IQSEC1: variants seen among roughly 807,000 people sequenced by gnomAD.
IQSEC1 encodes IQ motif and SEC7 domain-containing protein 1.
IQSEC1 carries 31 observed loss-of-function variants against 91.0 expected under a neutral mutation model. The observed-to-expected ratio is 0.34, with a 90% CI of 0.26 to 0.46. The LOEUF is 0.46. Ranked by LOEUF, IQSEC1 falls within the 20% of genes least tolerant of loss-of-function variation. The pLI, the probability that IQSEC1 is intolerant of heterozygous loss-of-function variation, is 1.00. For synonymous variants in IQSEC1, 699 were observed against 662.6 expected (o/e 1.05, Z -0.84); for missense variants, 1,388 against 1,575.6 (o/e 0.88, Z 2.02).
Position 12,909,201 on chromosome 3 carries a change from G to A in IQSEC1, c.2578+72C>T. 1.3e-6 allele frequency: 2 copies of A among 1,510,894 alleles called. No individual in the cohort carries two copies. Among genetic ancestry groups the A allele is most frequent in the Non-Finnish European group, 1.8e-6 (2 of 1,097,366 alleles). 93.6% of individuals were successfully genotyped at this position (1,510,894 alleles called of 1,614,324 possible). A position where few individuals can be genotyped will look rare whatever the true frequency, so the allele number is the denominator to read the frequency against. On this transcript the variant is annotated intron_variant, in intron 11 of 13. Transcript: ENST00000613206. The surrounding 1 kb of genome is among the most constrained non-coding windows in gnomAD (Gnocchi z 4.9). The stretch of plus-strand genomic sequence containing the variant: ...TGTCTCTGTGAGCTCAGAAGTCACT[G>A]CCCTGACATGGGGAGGCAAGTGCCA...
chr3:13,276,827 T>C (rs537780073), intron 1 of IQSEC1, among the ~76,000 whole-genome samples: 9 of 152,306 alleles, frequency 5.9e-5, no homozygotes, highest in Admixed American at 3.9e-4. Flanking sequence ...AAGGCCTTGC[T>C]ACCTCAGAGC....
At chr3:13,132,873 T>C (rs1706643561) in intron 2 of IQSEC1, among the ~76,000 whole-genome samples, 1 of 152,196 alleles carries the variant, frequency 6.6e-6, no homozygotes, top group African/African-American at 2.4e-5. Flanking sequence ...GGAGACTTCC[T>C]TTGCACTTGT....
Position 12,900,354 on chromosome 3 carries a change from A to ACTGT in IQSEC1, c.*625_*628dup. 1 of 984,942 alleles carries ACTGT rather than the reference A, an allele frequency of 1.0e-6. No individual in the cohort carries two copies. Among genetic ancestry groups the ACTGT allele is most frequent in the Non-Finnish European group, 1.2e-6 (1 of 829,744 alleles). The allele number at this position is 984,942 out of a possible 1,614,324, so 61.0% of individuals were successfully genotyped here. A position where few individuals can be genotyped will look rare whatever the true frequency, so the allele number is the denominator to read the frequency against. ...ATTGTCTCACACACCCAGCTAAGGT[A>ACTGT]CTGTCTTCCTATTAGGTAAGTGGAG... On this transcript the variant is annotated 3_prime_UTR_variant, in exon 14 of 14. Transcript: ENST00000613206.
At chr3:13,240,075 TA>T (rs35722713) in intron 1 of IQSEC1, among the ~76,000 whole-genome samples, 17,172 of 151,094 alleles carry the variant, frequency 0.11, 2,127 homozygotes, top group African/African-American at 0.31. Context: ...AACTTTTAAT[TA>T]AAAAAAAACA....
chr3:13,257,782 T>G (rs1695317315), intron 1 of IQSEC1, among the ~76,000 whole-genome samples: 1 of 152,144 alleles, frequency 6.6e-6, no homozygotes. Context: ...CAAAACTACA[T>G]ACGCCCCTGC....
At chr3:13,100,961 G>A (rs1303252366) in intron 2 of IQSEC1, among the ~76,000 whole-genome samples, 3 of 148,346 alleles carry the variant, frequency 2.0e-5, no homozygotes, top group East Asian at 1.9e-4. Flanking sequence ...AGACCTGAAC[G>A]AGGCCTGCCA....
intron 3 of IQSEC1, among the ~76,000 whole-genome samples, chr3:12,930,603 G>A (rs1190580619): frequency 6.6e-6 from 1 of 152,194 alleles, no homozygotes; most frequent in African/African-American, 2.4e-5. Flanking sequence ...GTTCTCTGAT[G>A]GCCCTCCTGC....
At chr3:13,265,599 G>T (rs1165562609) in intron 1 of IQSEC1, among the ~76,000 whole-genome samples, 1 of 152,172 alleles carries the variant, frequency 6.6e-6, no homozygotes, top group African/African-American at 2.4e-5. Flanking sequence ...AGTTCCTCCA[G>T]GTTACCAGGT....
At chr3:13,236,594 C>CT (rs749826615) in intron 1 of IQSEC1, among the ~76,000 whole-genome samples, 3 of 152,314 alleles carry the variant, frequency 2.0e-5, no homozygotes, top group Middle Eastern at 3.4e-3. Context: ...CACAGACCCC[C>CT]TCTCACTGAG....
At chr3:13,278,760 A>G (rs1695737902) in intron 1 of IQSEC1, among the ~76,000 whole-genome samples, 1 of 147,252 alleles carries the variant, frequency 6.8e-6, no homozygotes, top group Non-Finnish European at 1.5e-5. Context: ...CGGAACTTTC[A>G]GTGAGCCGAG....
intron 2 of IQSEC1, among the ~76,000 whole-genome samples, chr3:13,087,949 C>A (rs1010961299): frequency 5.3e-5 from 8 of 152,196 alleles, no homozygotes; most frequent in Non-Finnish European, 1.0e-4. Flanking sequence ...CCTGGCCCAA[C>A]CCCTTCTTCA....
intron 12 of IQSEC1, among the ~76,000 whole-genome samples, chr3:12,904,742 T>C (rs1431229872): frequency 6.6e-6 from 1 of 152,052 alleles, no homozygotes; most frequent in Admixed American, 6.5e-5. Flanking sequence ...TCTGGCTGAC[T>C]AAAAACCAGG....
chr3:13,204,219 G>C (rs554323961), intron 1 of IQSEC1, among the ~76,000 whole-genome samples: 1 of 152,388 alleles, frequency 6.6e-6, no homozygotes, highest in African/African-American at 2.4e-5. Flanking sequence ...CCCGCCCGCC[G>C]CCTCCACGTG....
chr3:13,179,548 G>C (rs1409679525), intron 1 of IQSEC1, among the ~76,000 whole-genome samples: 1 of 152,266 alleles, frequency 6.6e-6, no homozygotes, highest in African/African-American at 2.4e-5. Context: ...TCCTAAATGT[G>C]TGTGCACTTA....
chr3:13,001,589 G>T (rs1276700775), intron 1 of IQSEC1, among the ~76,000 whole-genome samples: 1 of 152,260 alleles, frequency 6.6e-6, no homozygotes, highest in East Asian at 1.9e-4. Flanking sequence ...GGGTCGTCCA[G>T]ATGACCTGCA....
upstream of IQSEC1, among the ~76,000 whole-genome samples, chr3:13,073,731 G>C (rs114835873): frequency 8.8e-3 from 1,337 of 152,374 alleles, 14 homozygotes; most frequent in African/African-American, 0.028. Context: ...AGACACGCGA[G>C]CCGCGGAGCT....
intron 1 of IQSEC1, among the ~76,000 whole-genome samples, chr3:13,210,617 G>C (rs4684919): frequency 0.3 from 46,192 of 152,076 alleles, 7,083 homozygotes; most frequent in East Asian, 0.38. Flanking sequence ...AGCCAGGCCC[G>C]TGGAAACTGC....
intron 1 of IQSEC1, among the ~76,000 whole-genome samples, chr3:13,253,314 C>G (rs914310140): frequency 2.6e-5 from 4 of 152,292 alleles, no homozygotes; most frequent in African/African-American, 9.6e-5. Flanking sequence ...GGGATCTGAA[C>G]TCAGAGTATC....
chr3:13,246,964 C>T (rs991712600), intron 1 of IQSEC1, among the ~76,000 whole-genome samples: 3 of 152,180 alleles, frequency 2.0e-5, no homozygotes, highest in Admixed American at 1.3e-4. Flanking sequence ...GCCCCTGGAA[C>T]GCTGGCCTGT....
Sources: gnomAD v4.1 joint callset for allele counts (sites outside exome capture counted in the v4.1 genomes callset) on GRCh38, gnomAD v4.1.1 for gene constraint, Gnocchi (gnomAD v3.1) non-coding constraint, MANE v1.5 for transcripts, NCBI Gene and HGNC (gene_info 2026-07-23, HGNC 2026-07-21) for gene names.